The following KIAA0586 variants were observed in gnomAD, a reference collection of about 807,000 sequenced individuals.
KIAA0586 encodes protein TALPID3.
A neutral mutation model predicts 169.8 loss-of-function variants in KIAA0586; 144 were observed. The observed-to-expected ratio is 0.85, with a 90% CI of 0.74 to 0.97. The LOEUF (loss-of-function observed/expected upper bound fraction) is 0.97. Ranked by LOEUF, KIAA0586 falls within the 50% of genes least tolerant of loss-of-function variation. The pLI, the probability that KIAA0586 is intolerant of heterozygous loss-of-function variation, is 0.00. For missense variants in KIAA0586, 1,854 were observed against 1,823.0 expected, an observed-to-expected ratio of 1.02 and a Z score of -0.31; for synonymous variants, 625 against 612.4, an observed-to-expected ratio of 1.02 and a Z score of -0.30.
chr14:58,427,411 G>A (rs767274774), upstream of KIAA0586: 30 of 567,420 alleles, frequency 5.3e-5, no homozygotes, highest in Non-Finnish European at 8.6e-5. Flanking sequence ...CGTCCCTAAC[G>A]GTCTTCGGAA....
Position 58,470,718 on chromosome 14 carries a change from A to T in KIAA0586, c.2548A>T (p.Ile850Leu). Residue 850 changes from isoleucine (I) to leucine (L), a missense_variant, in exon 17 of 31, where the codon ATA becomes TTA. Transcript: ENST00000652326. ...EASLPPVQTW[I>L]KTPEIMKVDE... ...ATCTCTTCCTCCTGTGCAAACTTGG[A>T]TAAAGGTATATTTCAGAATTTTATC... 6.7e-7 allele frequency: 1 copy of T among 1,497,330 alleles called. No homozygotes were observed. The highest frequency in any genetic ancestry group is 9.3e-7 in the Non-Finnish European group (1 of 1,074,586). The allele number at this position is 1,497,330 out of a possible 1,614,324, so 92.8% of individuals were successfully genotyped here.
At position 58,457,748 on chromosome 14, in the gene KIAA0586, T is replaced by C. The variant is rs2140842996; in HGVS notation, c.1363-11T>C. 1.9e-6 allele frequency: 3 copies of C among 1,554,786 alleles called. No individual in the cohort carries two copies. The highest frequency in any genetic ancestry group is 2.6e-6 in the Non-Finnish European group (3 of 1,148,156). ...GAGTTTAGTAACTTTCTGGTCTTTT[T>C]TTCTTTTAAGCCAAAAGAATCTCTG... On this transcript the variant is annotated splice_polypyrimidine_tract_variant and intron_variant, in intron 10 of 30. Transcript: ENST00000652326.
chr14:58,558,864 A>G, the KIAA0586 span, among the ~76,000 whole-genome samples: 1 of 152,250 alleles, frequency 6.6e-6, no homozygotes, highest in Non-Finnish European at 1.5e-5. Flanking sequence ...AGCAACAACA[A>G]CAACAATAGA....
At chr14:58,448,986 G>A (rs2039134794) in intron 7 of KIAA0586, among the ~76,000 whole-genome samples, 2 of 152,034 alleles carry the variant, frequency 1.3e-5, no homozygotes, top group Admixed American at 1.3e-4. Flanking sequence ...TGCTTATCTT[G>A]ATTGAATTTT....
chr14:58,505,277 C>T (rs960067405), intron 27 of KIAA0586, among the ~76,000 whole-genome samples: 2 of 152,076 alleles, frequency 1.3e-5, no homozygotes, highest in Admixed American at 6.6e-5. Flanking sequence ...CCAGGTCAAC[C>T]GGTATTACTT....
intron 26 of KIAA0586, among the ~76,000 whole-genome samples, chr14:58,494,305 T>G (rs1176043528): frequency 6.8e-6 from 1 of 146,952 alleles, no homozygotes; most frequent in African/African-American, 2.5e-5. Context: ...GTGTTTTTCA[T>G]ACTTGACATT....
At chr14:58,467,488 T>TTA (rs1351279277) in intron 15 of KIAA0586, among the ~76,000 whole-genome samples, 1 of 152,202 alleles carries the variant, frequency 6.6e-6, no homozygotes, top group Non-Finnish European at 1.5e-5. Flanking sequence ...TATTAATAGC[T>TTA]TTCTATTAGC....
Position 58,488,735 on chromosome 14 carries a change from C to G in KIAA0586, c.3642C>G (p.Ser1214=). ...MPFPAGTKAP[S]PSQMPGSDSS... ...TTCCTGCCGGCACCAAGGCCCCTTCCCCCTCACAGATGCCAGGTTCTGATT... is the reference window on the plus strand; with the variant it reads ...TTCCTGCCGGCACCAAGGCCCCTTCGCCCTCACAGATGCCAGGTTCTGATT... The change falls in exon 24 of 31, where the codon TCC becomes TCG. Residue 1214 remains serine (S), a synonymous_variant. Coordinates refer to ENST00000652326, the MANE Select transcript of KIAA0586 (RefSeq NM_001329943.3). 2 of 1,613,878 alleles carry G rather than the reference C, an allele frequency of 1.2e-6. No individual in the cohort carries two copies. The highest frequency in any genetic ancestry group is 1.7e-6 in the Non-Finnish European group (2 of 1,179,848).
At position 58,527,325 on chromosome 14, in the gene KIAA0586, C is replaced by G. The variant is rs145194790; in HGVS notation, c.4430-12746C>G. Among the ~76,000 whole-genome samples the G allele has an allele frequency of 3.8e-3, 573 of 152,136 alleles. 4 individuals carry two copies. The highest frequency in any genetic ancestry group is 0.013 in the African/African-American group (548 of 41,490). ...AACTTCCCCAACCTAGCAAGACAGGCCAACATTGAAATTCAGGAAATATAG... is the reference window on the plus strand; with the variant it reads ...AACTTCCCCAACCTAGCAAGACAGGGCAACATTGAAATTCAGGAAATATAG... On this transcript the variant is annotated intron_variant, in intron 29 of 30. Transcript: ENST00000652326.
At chr14:58,518,245 G>A (rs1409465711) in intron 29 of KIAA0586, among the ~76,000 whole-genome samples, 2 of 152,102 alleles carry the variant, frequency 1.3e-5, no homozygotes, top group South Asian at 2.1e-4. Context: ...ATGTGATACT[G>A]TATTACATTT....
At chr14:58,461,205 A>G (rs2040296987) in intron 14 of KIAA0586, 45 bp downstream of exon 14, 3 of 1,319,088 alleles carry the variant, frequency 2.3e-6, no homozygotes, top group East Asian at 5.3e-5. Context: ...TCTTAATAGT[A>G]TCAGTTTAAT....
chr14:58,560,026 C>T, the KIAA0586 span, among the ~76,000 whole-genome samples: 2 of 151,994 alleles, frequency 1.3e-5, 1 homozygote, highest in South Asian at 4.2e-4. Context: ...TGGCACGCGC[C>T]TGTAATACCA....
Position 58,460,134 on chromosome 14 carries a change from G to A in KIAA0586, c.1884+64G>A, listed in dbSNP as rs906545536. 3.1e-6 allele frequency: 3 copies of A among 952,924 alleles called. No homozygotes were observed. The Admixed American group carries it at 8.6e-5, about 27-fold the overall frequency. The allele number at this position is 952,924 out of a possible 1,614,324, so 59.0% of individuals were successfully genotyped here. A position where few individuals can be genotyped will look rare whatever the true frequency, so the allele number is the denominator to read the frequency against. ...TTATAATTGATCATTTCCTTTAAGA[G>A]ATAAATAATGAAGCGAATGTGAAGG... On this transcript the variant is annotated intron_variant, in intron 13 of 30. Transcript: ENST00000652326.
chr14:58,500,349 G>C (rs953521466), intron 27 of KIAA0586, among the ~76,000 whole-genome samples: 1 of 152,176 alleles, frequency 6.6e-6, no homozygotes, highest in Non-Finnish European at 1.5e-5. Flanking sequence ...ACTTGTGCCT[G>C]AAGGAAGCCT....
chr14:58,531,007 C>T (rs1177313297), intron 29 of KIAA0586, among the ~76,000 whole-genome samples: 1 of 151,898 alleles, frequency 6.6e-6, no homozygotes, highest in Non-Finnish European at 1.5e-5. Context: ...AAAAAACAAC[C>T]CCATCAAAAA....
intron 26 of KIAA0586, among the ~76,000 whole-genome samples, chr14:58,498,186 G>GT (rs1353508515): frequency 1.3e-4 from 19 of 149,380 alleles, no homozygotes; most frequent in East Asian, 6.0e-4. Context: ...GATTTTTTGT[G>GT]TTTTTTTTGA....
intron 30 of KIAA0586, among the ~76,000 whole-genome samples, chr14:58,546,195 T>C (rs958033791): frequency 1.3e-5 from 2 of 152,200 alleles, no homozygotes; most frequent in Non-Finnish European, 2.9e-5. Flanking sequence ...TATATTATAG[T>C]TTGTGATATT....
chr14:58,483,571 T>A (rs2042178455), intron 21 of KIAA0586, among the ~76,000 whole-genome samples: 1 of 152,184 alleles, frequency 6.6e-6, no homozygotes, highest in Admixed American at 6.5e-5. Context: ...TTACAGTTTT[T>A]TTTTAAATCA....
intron 7 of KIAA0586, among the ~76,000 whole-genome samples, chr14:58,450,021 A>G (rs1219369677): frequency 6.6e-6 from 1 of 152,164 alleles, no homozygotes; most frequent in Non-Finnish European, 1.5e-5. Flanking sequence ...GCCATATTTT[A>G]TATAGTTGTC....
Sources: gnomAD v4.1 joint callset for allele counts (sites outside exome capture counted in the v4.1 genomes callset) on GRCh38, gnomAD v4.1.1 for gene constraint, MANE v1.5 for transcripts, NCBI Gene and HGNC (gene_info 2026-07-23, HGNC 2026-07-21) for gene names.